Variants in NELL2 observed in about 807,000 individuals in gnomAD.
NELL2 encodes the protein neural EGFL like 2.
NELL2 carries 41 observed loss-of-function variants against 109.6 expected under a neutral mutation model. That is an observed-to-expected ratio of 0.37 (90% CI 0.29 to 0.49). The LOEUF is 0.49. NELL2 is among the 20% of genes least tolerant of loss of function. The pLI, the probability that NELL2 is intolerant of heterozygous loss-of-function variation, is 0.98. For missense variants in NELL2, 900 were observed against 1,008.3 expected, an observed-to-expected ratio of 0.89 and a Z score of 1.45; for synonymous variants, 355 against 344.7, an observed-to-expected ratio of 1.03 and a Z score of -0.33.
upstream of NELL2, chr12:44,876,759 G>A: frequency 6.7e-7 from 1 of 1,492,186 alleles, no homozygotes; most frequent in Non-Finnish European, 8.9e-7. Context: ...GAGCAGCCCC[G>A]GGGTGCAGGG....
intron 9 of NELL2, among the ~76,000 whole-genome samples, chr12:44,755,263 T>A (rs1446468360): frequency 6.6e-6 from 1 of 152,178 alleles, no homozygotes; most frequent in Non-Finnish European, 1.5e-5. Flanking sequence ...GAAATACACA[T>A]CTGTACTTCA....
At chr12:44,832,890 T>C (rs73279138) in intron 2 of NELL2, among the ~76,000 whole-genome samples, 3,493 of 152,252 alleles carry the variant, frequency 0.023, 72 homozygotes, top group East Asian at 0.048. Context: ...AACATCTCCC[T>C]AGAAAAAGGA....
At chr12:44,880,830 T>TTTG (rs1422181455), upstream of NELL2, 218 of 141,996 alleles carry the variant, frequency 1.5e-3, 6 homozygotes, top group African/African-American at 5.8e-3. Flanking sequence ...AGTTCTTTGT[T>TTTG]TTGTTCTTGT....
intron 12 of NELL2, among the ~76,000 whole-genome samples, chr12:44,694,212 C>G (rs11182614): frequency 6.6e-6 from 1 of 152,084 alleles, no homozygotes; most frequent in Non-Finnish European, 1.5e-5. Flanking sequence ...CCCTCCCTAA[C>G]GTGGGCAGGC....
intron 13 of NELL2, among the ~76,000 whole-genome samples, chr12:44,623,436 G>T (rs1372971828): frequency 6.6e-6 from 1 of 152,008 alleles, no homozygotes. Flanking sequence ...AATACAAAAG[G>T]ATATTCTCTT....
In NELL2 at chr12:44,751,231, GT is replaced by G. The variant is rs536138370; in HGVS notation, c.994+23515del. On this transcript the variant is annotated intron_variant, in intron 9 of 19. Coordinates refer to ENST00000429094, the MANE Select transcript of NELL2 (RefSeq NM_001145108.2). Reference sequence around the variant, plus strand: ...GGAAGAAATAGCAGAAATAATAAATGTTGTTTTGGTTTTGGATGAATCAGTT... The same window carrying G: ...GGAAGAAATAGCAGAAATAATAAATGTGTTTTGGTTTTGGATGAATCAGTT... Among the ~76,000 whole-genome samples the G allele has an allele frequency of 1.7e-3, 259 of 152,214 alleles. 1 individual carries two copies. The highest frequency in any genetic ancestry group is 3.3e-3 in the Non-Finnish European group (223 of 67,990).
rs767555627 is a variant in NELL2, at chr12:44,665,570, T to C, written c.1358A>G (p.Glu453Gly). 2 of 1,613,576 alleles carry C rather than the reference T, an allele frequency of 1.2e-6. No individual in the cohort carries two copies. Among genetic ancestry groups the C allele is most frequent in the Non-Finnish European group, 1.7e-6 (2 of 1,179,540 alleles). The change falls in exon 13 of 20, where the codon GAA becomes GGA. Residue 453 changes from glutamate (E) to glycine (G), a missense_variant. By Grantham distance (98) the Glu-to-Gly change is moderately conservative. Transcript: ENST00000429094. ...ECAEGRHYCR[E>G]NTMCVNTPGS... ...CGGGGTGTTGACACACATTGTATTTTCACGACAGTAATGGCGCCCTTCAGC... is the reference window on the plus strand; with the variant it reads ...CGGGGTGTTGACACACATTGTATTTCCACGACAGTAATGGCGCCCTTCAGC...
intron 2 of NELL2, among the ~76,000 whole-genome samples, chr12:44,820,918 T>C (rs927932623): frequency 1.8e-4 from 25 of 139,892 alleles, no homozygotes; most frequent in African/African-American, 6.5e-4. Context: ...CCAGACTGTG[T>C]TACCTAAAGT....
chr12:44,648,656 T>TA (rs1329617209), intron 13 of NELL2, among the ~76,000 whole-genome samples: 7 of 146,824 alleles, frequency 4.8e-5, no homozygotes, highest in South Asian at 2.1e-4. Context: ...TATTTTCAGG[T>TA]AAAAAAAATG....
intron 1 of NELL2, among the ~76,000 whole-genome samples, chr12:44,902,825 G>A (rs1945677038): frequency 6.6e-6 from 1 of 152,134 alleles, no homozygotes; most frequent in Non-Finnish European, 1.5e-5. Flanking sequence ...TAAAATAAAT[G>A]GTGTTGGGAA....
chr12:44,808,032 G>A (rs1211051582), intron 3 of NELL2, among the ~76,000 whole-genome samples: 2 of 152,068 alleles, frequency 1.3e-5, no homozygotes, highest in African/African-American at 4.8e-5. Context: ...GAATAGGATG[G>A]TTGCCTGGAA....
chr12:44,811,347 A>AAAAAAAAAAAAAAAAAT (rs1943172615), intron 3 of NELL2, among the ~76,000 whole-genome samples: 1 of 151,146 alleles, frequency 6.6e-6, no homozygotes, highest in African/African-American at 2.4e-5. Flanking sequence ...TAAAAAAAAA[A>AAAAAAAAAAAAAAAAAT]AAAAAAAAAA....
intron 12 of NELL2, among the ~76,000 whole-genome samples, chr12:44,685,634 C>T (rs1301916710): frequency 2.0e-5 from 3 of 151,986 alleles, no homozygotes; most frequent in African/African-American, 4.8e-5. Flanking sequence ...CTCTCAGCAA[C>T]TGCTTGTCTG....
chr12:44,703,945 T>C, intron 11 of NELL2, 91 bp from the exon 12 acceptor site: 1 of 1,106,958 alleles, frequency 9.0e-7, no homozygotes, highest in South Asian at 1.6e-5. Context: ...TTTGAAGCTA[T>C]GACTCCCTAA....
At position 44,685,212 on chromosome 12, in the gene NELL2, T is replaced by A. The variant is rs559174426; in HGVS notation, c.1318+18514A>T. On this transcript the variant is annotated intron_variant, in intron 12 of 19. Transcript: ENST00000429094. Reference sequence around the variant, plus strand: ...TTGATCTTTGTTGGTTTAAAGTCTGTTTTATCAGAGACTAGGATTGCAACC... The same window carrying A: ...TTGATCTTTGTTGGTTTAAAGTCTGATTTATCAGAGACTAGGATTGCAACC... Among the ~76,000 whole-genome samples the A allele has an allele frequency of 1.5e-3, 232 of 152,270 alleles. 1 individual carries two copies. Among genetic ancestry groups the A allele is most frequent in the African/African-American group, 5.3e-3 (222 of 41,524 alleles).
chr12:44,817,972 G>C (rs1411804088), intron 2 of NELL2, among the ~76,000 whole-genome samples: 2 of 152,188 alleles, frequency 1.3e-5, no homozygotes, highest in Admixed American at 1.3e-4. Context: ...AACGAAGTCA[G>C]ACTTGGGACA....
chr12:44,583,713 G>C (rs145536881), intron 15 of NELL2, among the ~76,000 whole-genome samples: 13 of 152,284 alleles, frequency 8.5e-5, no homozygotes, highest in African/African-American at 3.1e-4. Context: ...AATGCTTAAA[G>C]TGTTTAAAGG....
At chr12:44,524,653 T>C (rs967683778) in intron 16 of NELL2, among the ~76,000 whole-genome samples, 3 of 152,200 alleles carry the variant, frequency 2.0e-5, no homozygotes, top group African/African-American at 7.2e-5. Flanking sequence ...TATGTATTCC[T>C]GAAAGTAAGC....
chr12:44,739,678 G>T (rs1176236967), intron 9 of NELL2, among the ~76,000 whole-genome samples: 1 of 152,184 alleles, frequency 6.6e-6, no homozygotes. Flanking sequence ...ATCACTTGAG[G>T]TCAGCAGTTC....
Sources: gnomAD v4.1 joint callset for allele counts (sites outside exome capture counted in the v4.1 genomes callset) on GRCh38, gnomAD v4.1.1 for gene constraint, MANE v1.5 for transcripts, NCBI Gene and HGNC (gene_info 2026-07-23, HGNC 2026-07-21) for gene names.